Variants in C15orf39 observed in about 807,000 individuals in gnomAD.
C15orf39 encodes the protein PRMT2 interacting protein, also known as uncharacterized protein C15orf39.
C15orf39 carries 24 observed loss-of-function variants against 53.9 expected under a neutral mutation model. The observed-to-expected ratio is 0.45, with a 90% confidence interval of 0.32 to 0.63. The LOEUF (loss-of-function observed/expected upper bound fraction) is 0.63. Ranked by LOEUF, C15orf39 falls within the 20% of genes least tolerant of loss-of-function variation. The probability of loss-of-function intolerance (pLI) is 0.04; values close to 1 mark genes in which losing one functional copy is unlikely to be tolerated. For missense variants in C15orf39, 1,271 were observed against 1,347.9 expected, an observed-to-expected ratio of 0.94 and a Z score of 0.89; for synonymous variants, 569 against 576.5, an observed-to-expected ratio of 0.99 and a Z score of 0.19.
chr15:75,200,532 A>AG (rs1255957782), upstream of C15orf39, among the ~76,000 whole-genome samples: 1 of 152,184 alleles, frequency 6.6e-6, no homozygotes, highest in Non-Finnish European at 1.5e-5. Flanking sequence ...AGAGTTGGTA[A>AG]GGGGCAAGAG....
Position 75,211,258 on chromosome 15 carries a change from C to A in C15orf39, c.*142C>A. ...TCCATCTCTGACCCTGTGGCCCATTCAGGGTGGGCTGAAGAGCCCCTGAGC... is the reference window on the plus strand; with the variant it reads ...TCCATCTCTGACCCTGTGGCCCATTAAGGGTGGGCTGAAGAGCCCCTGAGC... On this transcript the variant is annotated 3_prime_UTR_variant, in exon 3 of 3. Transcript: ENST00000394987. 8.4e-7 allele frequency: 1 copy of A among 1,195,030 alleles called. No individual in the cohort carries two copies. Among genetic ancestry groups the A allele is most frequent in the Non-Finnish European group, 1.1e-6 (1 of 876,966 alleles). 74.0% of individuals were successfully genotyped at this position (1,195,030 alleles called of 1,614,324 possible). A position where few individuals can be genotyped will look rare whatever the true frequency, so the allele number is the denominator to read the frequency against.
intron 1 of C15orf39, among the ~76,000 whole-genome samples, chr15:75,202,837 C>T (rs1232386564): frequency 1.3e-5 from 2 of 152,190 alleles, no homozygotes; most frequent in East Asian, 3.9e-4. Context: ...GATGCACGTG[C>T]GTCTCGGCGC....
At chr15:75,200,917 A>G (rs952913153), upstream of C15orf39, among the ~76,000 whole-genome samples, 1 of 145,988 alleles carries the variant, frequency 6.8e-6, no homozygotes, top group Non-Finnish European at 1.5e-5. Flanking sequence ...CTGCTTGGTG[A>G]TTCTTGGAAC....
Position 75,208,676 on chromosome 15 carries a change from C to T in C15orf39, c.2628C>T (p.Thr876=), listed in dbSNP as rs757232042. The part of the protein sequence containing the change: ...LQEHRVELRP[T]TLSEERALRE... ...AGCATCGTGTGGAGCTGCGGCCCAC[C>T]ACGCTGTCGGAGGAGCGGGCACTGC... Residue 876 remains threonine (T), a synonymous_variant, in exon 2 of 3, where the codon ACC becomes ACT. Transcript: ENST00000394987. 1.9e-6 allele frequency: 3 copies of T among 1,607,696 alleles called. No homozygotes were observed.
At chr15:75,200,706 C>T (rs2070395368), upstream of C15orf39, among the ~76,000 whole-genome samples, 1 of 152,280 alleles carries the variant, frequency 6.6e-6, no homozygotes, top group Non-Finnish European at 1.5e-5. Context: ...TTTGTCCCAG[C>T]CTGCTGAGTG....
Position 75,212,054 on chromosome 15 carries a change from C to CT in C15orf39, c.*939dup, listed in dbSNP as rs1567142760. 6.6e-6 allele frequency: 1 copy of CT among 152,280 alleles called. No homozygotes were observed. The highest frequency in any genetic ancestry group is 1.9e-4 in the East Asian group (1 of 5,198). The allele number at this position is 152,280 out of a possible 1,614,324, so 9.4% of individuals were successfully genotyped here. A position where few individuals can be genotyped will look rare whatever the true frequency, so the allele number is the denominator to read the frequency against. On this transcript the variant is annotated 3_prime_UTR_variant, in exon 3 of 3. Transcript: ENST00000394987. ...GCCAGGCCTGCTGTGAGCCACCTGCCTGTGGAGTGCTGAGCTCAACCAAAG... is the reference window on the plus strand; with the variant it reads ...GCCAGGCCTGCTGTGAGCCACCTGCCTTGTGGAGTGCTGAGCTCAACCAAAG...
chr15:75,199,499 G>A (rs190588423), upstream of C15orf39, among the ~76,000 whole-genome samples: 45 of 152,334 alleles, frequency 3.0e-4, no homozygotes, highest in African/African-American at 9.4e-4. Flanking sequence ...CACCTCACAC[G>A]CCTCTGGGGT....
In C15orf39 at chr15:75,206,077, T is replaced by C. The variant is rs747678168; in HGVS notation, c.29T>C (p.Leu10Pro). 46 of 1,610,182 alleles carry C rather than the reference T, an allele frequency of 2.9e-5. No homozygotes were observed. Among genetic ancestry groups the C allele is most frequent in the Non-Finnish European group, 3.7e-5 (44 of 1,178,286 alleles). Residue 10 changes from leucine to proline, a missense_variant, in exon 2 of 3, where the codon CTG becomes CCG. Leu to Pro is a moderately conservative substitution (Grantham distance 98). Transcript: ENST00000394987. ...GCAGAGAAGCGACCCCTGAGAACCC[T>C]GGGGCCTGTGATGTATGGCAAGCTG... Reference protein sequence around the residue: MAEKRPLRTLGPVMYGKLPR... With the variant: MAEKRPLRTPGPVMYGKLPR...
At chr15:75,205,914 GTGAGC>G in intron 1 of C15orf39, 80 bp from the exon 2 acceptor site, 2 of 907,868 alleles carry the variant, frequency 2.2e-6, no homozygotes, top group Non-Finnish European at 3.2e-6. Flanking sequence ...AGGTGTAGCC[GTGAGC>G]TGATGAGAGC....
intron 2 of C15orf39, chr15:75,209,036 T>C: frequency 1.2e-6 from 1 of 806,746 alleles, no homozygotes; most frequent in Non-Finnish European, 1.8e-6. Context: ...CTTCTGAACA[T>C]GCCAGCTGCT....
rs567885908 is a variant in C15orf39, at chr15:75,210,847, C to T, written c.2875C>T (p.Pro959Ser). ...SLALAQKSPA[P>S]KVRKPGRKPP... ...AGCCCTGGCTCAGAAGTCACCGGCC[C>T]CCAAGGTCAGGAAGCCAGGCAGGAA... The change falls in exon 3 of 3, where the codon CCC becomes TCC. Residue 959 changes from proline to serine, a missense_variant. By Grantham distance (74) the Pro-to-Ser change is moderately conservative. Coordinates refer to ENST00000394987, the MANE Select transcript of C15orf39 (RefSeq NM_015492.5). 2.5e-6 allele frequency: 4 copies of T among 1,613,892 alleles called. No individual in the cohort carries two copies. Among genetic ancestry groups the T allele is most frequent in the Admixed American group, 3.3e-5 (2 of 60,010 alleles).
rs751291877 is a variant in C15orf39, at chr15:75,210,895, A to T, written c.2923A>T (p.Lys975Ter). Reference protein sequence around the residue: ...GRKPPTPGPEKAEAAAGEESC... With the variant: ...GRKPPTPGPE ...GAAGCCACCAACCCCTGGCCCGGAGAAAGCAGAGGCAGCTGCTGGGGAAGA... is the reference window on the plus strand; with the variant it reads ...GAAGCCACCAACCCCTGGCCCGGAGTAAGCAGAGGCAGCTGCTGGGGAAGA... The change falls in exon 3 of 3, where the codon AAA becomes TAA. Residue 975 changes from lysine to a stop codon, truncating the protein, a stop_gained. Transcript: ENST00000394987. LOFTEE classifies it low-confidence loss of function (END_TRUNC). 1.9e-6 allele frequency: 3 copies of T among 1,613,610 alleles called. No homozygotes were observed. The highest frequency in any genetic ancestry group is 2.5e-6 in the Non-Finnish European group (3 of 1,179,990).
rs1021267826 is a variant in C15orf39, at chr15:75,201,928, C to T, written c.-182C>T. On this transcript the variant is annotated 5_prime_UTR_variant, in exon 1 of 3. Coordinates refer to ENST00000394987, the MANE Select transcript of C15orf39 (RefSeq NM_015492.5). The surrounding 1 kb of genome is among the most constrained non-coding windows in gnomAD (Gnocchi z 4.7). ...CGAACGGCAGCTAGGAGGGTTGCTCCGGGCTTGGTGCTCACTGCGACTTCC... is the reference window on the plus strand; with the variant it reads ...CGAACGGCAGCTAGGAGGGTTGCTCTGGGCTTGGTGCTCACTGCGACTTCC... 15 of 151,992 alleles carry T rather than the reference C, an allele frequency of 9.9e-5. No homozygotes were observed. The highest frequency in any genetic ancestry group is 8.3e-4 in the South Asian group (4 of 4,834). 9.4% of individuals were successfully genotyped at this position (151,992 alleles called of 1,614,324 possible).
In C15orf39 at chr15:75,210,947, C is replaced by T. The variant is rs774859553; in HGVS notation, c.2975C>T (p.Ala992Val). The T allele has an allele frequency of 1.7e-5, 28 of 1,613,296 alleles. 1 individual carries two copies. In the Admixed American group the frequency reaches 4.5e-4, roughly 26 times the overall value. ...TCCTGTGGTGCCTCCCCTACCCCTG[C>T]TACCAGTGCCAGCCCACCTGGCCCC... Reference protein sequence around the residue: ...EESCGASPTPATSASPPGPTL... With the variant: ...EESCGASPTPVTSASPPGPTL... The change falls in exon 3 of 3, where the codon GCT (alanine) becomes GTT (valine). Residue 992 changes from alanine (A) to valine (V), a missense_variant. By Grantham distance (64) the Ala-to-Val change is moderately conservative (BLOSUM62 0). This residue lies in a region of C15orf39 where 277 missense variants were observed against 354.1 expected (regional missense o/e 0.78). Coordinates refer to ENST00000394987, the MANE Select transcript of C15orf39 (RefSeq NM_015492.5).
At chr15:75,203,591 T>C (rs1321083369) in intron 1 of C15orf39, among the ~76,000 whole-genome samples, 1 of 152,150 alleles carries the variant, frequency 6.6e-6, no homozygotes, top group Non-Finnish European at 1.5e-5. Flanking sequence ...CAAAGACTCC[T>C]GAGGGTCCCA....
rs1161740293 is a variant in C15orf39, at chr15:75,210,957, C to G, written c.2985C>G (p.Ala995=). 5 of 1,613,322 alleles carry G rather than the reference C, an allele frequency of 3.1e-6. No homozygotes were observed. In the African/African-American group the frequency reaches 5.3e-5, roughly 17 times the overall value. The part of the protein sequence containing the change: ...CGASPTPATS[A]SPPGPTLKAR... ...CCTCCCCTACCCCTGCTACCAGTGC[C>G]AGCCCACCTGGCCCCACACTGAAGG... The change falls in exon 3 of 3, where the codon GCC becomes GCG. Residue 995 remains alanine, a synonymous_variant. Coordinates refer to ENST00000394987, the MANE Select transcript of C15orf39 (RefSeq NM_015492.5).
Position 75,206,209 on chromosome 15 carries a change from G to A in C15orf39, c.161G>A (p.Gly54Asp). The A allele has an allele frequency of 1.2e-6, 2 of 1,614,066 alleles. No homozygotes were observed. Among genetic ancestry groups the A allele is most frequent in the South Asian group, 2.2e-5 (2 of 91,076 alleles). ...TCCTACTTCTCCTGCCCCATGGCAGGTACTCCTAAGGCCGAGTCTGAGCAG... is the reference window on the plus strand; with the variant it reads ...TCCTACTTCTCCTGCCCCATGGCAGATACTCCTAAGGCCGAGTCTGAGCAG... Reference protein sequence around the residue: ...KGSYFSCPMAGTPKAESEQLA... With the variant: ...KGSYFSCPMADTPKAESEQLA... Residue 54 changes from glycine to aspartate, a missense_variant, in exon 2 of 3, where the codon GGT becomes GAT. Around this residue, in one of 2 missense-constraint regions of C15orf39, gnomAD observed 994 missense variants for 993.7 expected, o/e 1.00. Transcript: ENST00000394987.
chr15:75,205,916 G>T, intron 1 of C15orf39, 83 bp from the exon 2 acceptor site: 1 of 920,944 alleles, frequency 1.1e-6, no homozygotes, highest in Non-Finnish European at 1.6e-6. Flanking sequence ...GTGTAGCCGT[G>T]AGCTGATGAG....
upstream of C15orf39, among the ~76,000 whole-genome samples, chr15:75,201,373 A>AGCAGGAGTC (rs2070400189): frequency 6.6e-6 from 1 of 152,160 alleles, no homozygotes; most frequent in Non-Finnish European, 1.5e-5. The surrounding 1 kb of genome is among the most constrained non-coding windows in gnomAD (Gnocchi z 4.7). Context: ...GCCGTGCCCT[A>AGCAGGAGTC]GCAGGAGTCT....
Sources: allele counts gnomAD v4.1 joint callset (sites outside exome capture counted in the v4.1 genomes callset), GRCh38; gene constraint gnomAD v4.1.1; regional missense constraint gnomAD v4.1.1; non-coding constraint Gnocchi (gnomAD v3.1); transcripts MANE v1.5; gene names NCBI Gene and HGNC (gene_info 2026-07-23, HGNC 2026-07-21).